The following MSANTD3 variants were observed in gnomAD, a reference collection of about 807,000 sequenced individuals.
The protein encoded by MSANTD3 is myb/SANT-like DNA-binding domain-containing protein 3.
A neutral mutation model predicts 27.7 loss-of-function variants in MSANTD3; 11 were observed. That is an observed-to-expected ratio of 0.40 (90% CI 0.25 to 0.66). MSANTD3 has a LOEUF of 0.66. Among genes scored for constraint, MSANTD3 ranks in the 30% least tolerant of loss-of-function variants. MSANTD3 has a pLI of 0.41. For missense variants in MSANTD3, 250 were observed against 336.5 expected (o/e 0.74, Z 2.01); for synonymous variants, 131 against 127.2 (o/e 1.03, Z -0.20).
intron 1 of MSANTD3, among the ~76,000 whole-genome samples, chr9:100,432,350 C>T (rs1025576209): frequency 3.3e-5 from 5 of 152,166 alleles, no homozygotes; most frequent in African/African-American, 1.2e-4. Context: ...GGTAAGAGTA[C>T]TGTCCAATTA....
At chr9:100,445,794 T>C (rs1199746225) in intron 2 of MSANTD3, among the ~76,000 whole-genome samples, 2 of 152,232 alleles carry the variant, frequency 1.3e-5, no homozygotes, top group Non-Finnish European at 2.9e-5. Flanking sequence ...CTGTGTCATC[T>C]TGATCACTGT....
chr9:100,445,169 TTTTC>T (rs1564251314), intron 2 of MSANTD3: 1 of 1,601,712 alleles, frequency 6.2e-7, no homozygotes. Context: ...TGCATTTCAG[TTTTC>T]TTTCAAGAAA....
At chr9:100,436,869 A>T (rs1236995198) in intron 1 of MSANTD3, among the ~76,000 whole-genome samples, 1 of 152,158 alleles carries the variant, frequency 6.6e-6, no homozygotes, top group African/African-American at 2.4e-5. Flanking sequence ...CAATGGCTCG[A>T]CTTTGGCTCA....
chr9:100,428,652 G>A (rs1564245493), intron 1 of MSANTD3, among the ~76,000 whole-genome samples: 2 of 152,070 alleles, frequency 1.3e-5, no homozygotes, highest in South Asian at 2.1e-4. Context: ...CTCCCAGGCC[G>A]CCAAAAATAT....
At chr9:100,429,321 T>G (rs1836312841) in intron 1 of MSANTD3, among the ~76,000 whole-genome samples, 1 of 152,158 alleles carries the variant, frequency 6.6e-6, no homozygotes, top group Non-Finnish European at 1.5e-5. Flanking sequence ...CTTTGTACAT[T>G]TTTTGTGAGG....
At chr9:100,431,073 G>T (rs1182511905) in intron 1 of MSANTD3, among the ~76,000 whole-genome samples, 1 of 151,768 alleles carries the variant, frequency 6.6e-6, no homozygotes, top group Non-Finnish European at 1.5e-5. Flanking sequence ...CGCAATCTCG[G>T]CTCACCGCAA....
At chr9:100,445,032 G>A in intron 2 of MSANTD3, 1 of 614,672 alleles carries the variant, frequency 1.6e-6, no homozygotes, top group South Asian at 2.1e-5. Context: ...CATCTGGAGG[G>A]TGGTGGAGAA....
chr9:100,438,461 G>A (rs1284553479), intron 1 of MSANTD3, among the ~76,000 whole-genome samples: 1 of 151,708 alleles, frequency 6.6e-6, no homozygotes, highest in Admixed American at 6.6e-5. Context: ...CACATATAAT[G>A]TATATGTAAA....
intron 2 of MSANTD3, among the ~76,000 whole-genome samples, chr9:100,446,429 T>G (rs1027669339): frequency 1.8e-4 from 27 of 152,184 alleles, no homozygotes; most frequent in African/African-American, 6.5e-4. Context: ...TTGCATATCC[T>G]TTTACATGTG....
chr9:100,451,038 AGTAACCT>A lies in MSANTD3; in HGVS notation c.*78_*84del, dbSNP rs1418717322. On this transcript the variant is annotated 3_prime_UTR_variant, in exon 3 of 3. Transcript: ENST00000395067. ...TGTCTGGAACATGGACTTGGCGGTC[AGTAACCT>A]GTAACAGAGCTACAACTAGGAAAAT... 7 of 1,443,978 alleles carry A rather than the reference AGTAACCT, an allele frequency of 4.8e-6. No homozygotes were observed. In the East Asian group the frequency reaches 1.6e-4, roughly 33 times the overall value. 89.4% of individuals were successfully genotyped at this position (1,443,978 alleles called of 1,614,324 possible).
At chr9:100,428,123 A>G (rs1277100432) in intron 1 of MSANTD3, among the ~76,000 whole-genome samples, 1 of 152,234 alleles carries the variant, frequency 6.6e-6, no homozygotes, top group Non-Finnish European at 1.5e-5. Context: ...TGTAAATTGC[A>G]TGAATAATCT....
chr9:100,433,161 C>G (rs1481029244), intron 1 of MSANTD3, among the ~76,000 whole-genome samples: 1 of 152,190 alleles, frequency 6.6e-6, no homozygotes, highest in Non-Finnish European at 1.5e-5. Context: ...GCCTTGATTT[C>G]AGACTCTTCT....
At chr9:100,450,145 G>T (rs1836851376) in intron 2 of MSANTD3, among the ~76,000 whole-genome samples, 3 of 152,222 alleles carry the variant, frequency 2.0e-5, no homozygotes, top group Admixed American at 1.3e-4. Flanking sequence ...TGAATGAGAA[G>T]TTGGCAAAGC....
At chr9:100,431,500 A>G (rs1836376237) in intron 1 of MSANTD3, among the ~76,000 whole-genome samples, 1 of 149,546 alleles carries the variant, frequency 6.7e-6, no homozygotes, top group Non-Finnish European at 1.5e-5. Context: ...ATGGAGTATC[A>G]CTGTGTTGCC....
chr9:100,442,521 A>G (rs943554348), intron 2 of MSANTD3, among the ~76,000 whole-genome samples, 165 bp downstream of exon 2: 1 of 152,182 alleles, frequency 6.6e-6, no homozygotes, highest in Non-Finnish European at 1.5e-5. Context: ...TCAAAGTCTT[A>G]TAGAAGTGGG....
At chr9:100,440,313 C>G (rs1439077204) in intron 1 of MSANTD3, among the ~76,000 whole-genome samples, 1 of 152,154 alleles carries the variant, frequency 6.6e-6, no homozygotes, top group East Asian at 1.9e-4. Context: ...CTTTCTATGT[C>G]ACCATCTTTG....
At position 100,450,987 on chromosome 9, in the gene MSANTD3, T is replaced by G. The variant is rs781160634; in HGVS notation, c.*21T>G. ...CCTAAGACTTTGGGGGTGGCTCTCT[T>G]GTAATTAATCTGTGTTGGCAAAGAA... On this transcript the variant is annotated 3_prime_UTR_variant, in exon 3 of 3. Coordinates refer to ENST00000395067, the MANE Select transcript of MSANTD3 (RefSeq NM_080655.3). The G allele has an allele frequency of 6.5e-7, 1 of 1,547,494 alleles. No individual in the cohort carries two copies. The highest frequency in any genetic ancestry group is 1.3e-5 in the South Asian group (1 of 77,720).
chr9:100,431,282 G>A (rs1426345671), intron 1 of MSANTD3, among the ~76,000 whole-genome samples: 3 of 150,436 alleles, frequency 2.0e-5, no homozygotes, highest in Non-Finnish European at 4.4e-5. Context: ...GATTACAGGC[G>A]TGAGCCACCA....
chr9:100,450,516 G>A lies in MSANTD3; in HGVS notation c.419-41G>A, dbSNP rs758831099. The A allele has an allele frequency of 4.1e-5, 60 of 1,472,876 alleles. 2 individuals carry two copies. The South Asian group carries it at 8.4e-4, about 21-fold the overall frequency. The allele number at this position is 1,472,876 out of a possible 1,614,324, so 91.2% of individuals were successfully genotyped here. On this transcript the variant is annotated intron_variant, in intron 2 of 2. Coordinates refer to ENST00000395067, the MANE Select transcript of MSANTD3 (RefSeq NM_080655.3). ...GATTGGTTTTTTTTTTTCTCTGCCTGTAAAATCTTTGAACATATGTTTTCT... is the reference window on the plus strand; with the variant it reads ...GATTGGTTTTTTTTTTTCTCTGCCTATAAAATCTTTGAACATATGTTTTCT...
Sources: gnomAD v4.1 joint callset for allele counts (sites outside exome capture counted in the v4.1 genomes callset) on GRCh38, gnomAD v4.1.1 for gene constraint, MANE v1.5 for transcripts, NCBI Gene and HGNC (gene_info 2026-07-23, HGNC 2026-07-21) for gene names.